Variants in HDAC2 observed in about 807,000 individuals in gnomAD.
HDAC2 encodes the protein YY1-associated factor 1.
A neutral mutation model predicts 68.5 loss-of-function variants in HDAC2; 5 were observed. The ratio of observed to expected loss-of-function variants is 0.07; its 90% CI spans 0.04 to 0.15. The LOEUF (loss-of-function observed/expected upper bound fraction) is 0.15. HDAC2 is among the 10% of genes least tolerant of loss of function. HDAC2 has a pLI of 1.00. For synonymous variants in HDAC2, 182 were observed against 191.3 expected (o/e 0.95, Z 0.40); for missense variants, 291 against 600.8 (o/e 0.48, Z 5.39).
rs147152007 is a variant in HDAC2 at position 113,934,514 on chromosome 6, C to T, written c.*6544G>A. 3.4e-3 allele frequency: 519 copies of T among 152,266 alleles called. 1 individual carries two copies. Among genetic ancestry groups the T allele is most frequent in the Non-Finnish European group, 4.4e-3 (300 of 68,016 alleles). 9.4% of individuals were successfully genotyped at this position (152,266 alleles called of 1,614,324 possible). A position where few individuals can be genotyped will look rare whatever the true frequency, so the allele number is the denominator to read the frequency against. ...GTGTTTTGAGGTCAGGTCGGAAGTA[C>T]AAACAATTTAAGATGAGGCTTGTTT... On this transcript the variant is annotated 3_prime_UTR_variant, in exon 14 of 14. Transcript: ENST00000519065.
chr6:113,950,859 TAG>T (rs1336534980), intron 6 of HDAC2, among the ~76,000 whole-genome samples: 1 of 152,100 alleles, frequency 6.6e-6, no homozygotes, highest in African/African-American at 2.4e-5. Context: ...CCCTCAATAT[TAG>T]AGTTATGAGA....
intron 1 of HDAC2, 115 bp downstream of exon 1, chr6:113,970,742 A>C (rs1386571084): frequency 7.0e-7 from 1 of 1,418,500 alleles, no homozygotes; most frequent in Non-Finnish European, 9.1e-7. Flanking sequence ...GATGCGGCCA[A>C]ATGTCGGTCC....
At chr6:113,967,612 C>A (rs1194057437) in intron 1 of HDAC2, among the ~76,000 whole-genome samples, 1 of 152,048 alleles carries the variant, frequency 6.6e-6, no homozygotes, top group African/African-American at 2.4e-5. Flanking sequence ...ACTGTATACA[C>A]CATAAAAACA....
At position 113,956,704 on chromosome 6, in the gene HDAC2, T is replaced by C. The variant is rs919724905; in HGVS notation, c.284-11A>G. On this transcript the variant is annotated splice_polypyrimidine_tract_variant and intron_variant, in intron 3 of 13. Transcript: ENST00000519065. ...CTTCTCCAACATTAACTGTGGAAGA[T>C]GGATTTCATTAATTTCAACACATTC... 4.4e-6 allele frequency: 7 copies of C among 1,590,686 alleles called. No individual in the cohort carries two copies. The highest frequency in any genetic ancestry group is 6.0e-6 in the Non-Finnish European group (7 of 1,159,202).
At chr6:113,957,335 C>A (rs996796057) in intron 3 of HDAC2, 7 of 152,220 alleles carry the variant, frequency 4.6e-5, no homozygotes, top group African/African-American at 1.7e-4. Flanking sequence ...ATGTATGTAA[C>A]CCTTTCTTAG....
chr6:113,968,962 A>G (rs1379072860), intron 1 of HDAC2, among the ~76,000 whole-genome samples: 1 of 152,194 alleles, frequency 6.6e-6, no homozygotes, highest in Non-Finnish European at 1.5e-5. Flanking sequence ...GACAGCTTCG[A>G]GAAGGACCTC....
In HDAC2 at chr6:113,934,547, C is replaced by T. The variant is rs1775961059; in HGVS notation, c.*6511G>A. ...TTAAGATGAGGCTTGTTTACCTTAC[C>T]TATAGGGGTCCAGATGTGTTTTTCT... On this transcript the variant is annotated 3_prime_UTR_variant, in exon 14 of 14. Transcript: ENST00000519065. 1 of 152,108 alleles carries T rather than the reference C, an allele frequency of 6.6e-6. No individual in the cohort carries two copies. The highest frequency in any genetic ancestry group is 1.5e-5 in the Non-Finnish European group (1 of 68,014). The allele number at this position is 152,108 out of a possible 1,614,324, so 9.4% of individuals were successfully genotyped here.
chr6:113,965,678 T>C (rs747056234), intron 1 of HDAC2, among the ~76,000 whole-genome samples: 8 of 152,212 alleles, frequency 5.3e-5, no homozygotes, highest in Non-Finnish European at 8.8e-5. Context: ...GCCCCCTCTC[T>C]TACTTTATAC....
chr6:113,950,563 T>G (rs1205026551), intron 6 of HDAC2, among the ~76,000 whole-genome samples: 3 of 151,844 alleles, frequency 2.0e-5, no homozygotes, highest in African/African-American at 7.2e-5. Context: ...CAGCTAATTT[T>G]TTTTGCATTT....
chr6:113,959,885 T>G, intron 2 of HDAC2, 21 bp downstream of exon 2: 1 of 967,544 alleles, frequency 1.0e-6, no homozygotes. Context: ...GTGCTGAATA[T>G]GTATTAAAAG....
At chr6:113,967,228 A>C (rs1776845058) in intron 1 of HDAC2, among the ~76,000 whole-genome samples, 1 of 152,122 alleles carries the variant, frequency 6.6e-6, no homozygotes, top group South Asian at 2.1e-4. Context: ...TCCTGGGTTC[A>C]AGCCATTCTC....
intron 8 of HDAC2, 34 bp from the exon 9 acceptor site, chr6:113,946,182 T>C: frequency 1.3e-6 from 2 of 1,580,510 alleles, no homozygotes; most frequent in South Asian, 2.3e-5. Context: ...CAACAAAATC[T>C]GCATACTGCA....
intron 8 of HDAC2, chr6:113,948,682 G>C: frequency 3.5e-6 from 1 of 284,560 alleles, no homozygotes. Flanking sequence ...ATCCAATTAA[G>C]TAAAAAAGTA....
chr6:113,944,315 T>C lies in HDAC2; in HGVS notation c.1187A>G (p.Asp396Gly), dbSNP rs758065478. ...PEDAVHEDSG[D>G]EDGEDPDKRI... ...CTTGTCTGGATCTTCTCCATCTTCA[T>C]CTCCACTGTCTTCATGAACAGCATC... Residue 396 changes from aspartate to glycine, a missense_variant, in exon 11 of 14, where the codon GAT (aspartate) becomes GGT (glycine). This residue lies in a region of HDAC2 where 137 missense variants were observed against 128.7 expected (regional missense o/e 1.06). Transcript: ENST00000519065. The C allele has an allele frequency of 6.2e-7, 1 of 1,612,712 alleles. No individual in the cohort carries two copies. Among genetic ancestry groups the C allele is most frequent in the South Asian group, 1.1e-5 (1 of 91,052 alleles).
chr6:113,944,487 C>T (rs1280506465), intron 10 of HDAC2, 77 bp from the exon 11 acceptor site: 1 of 1,266,288 alleles, frequency 7.9e-7, no homozygotes, highest in Non-Finnish European at 1.1e-6. Flanking sequence ...AAATATTTAG[C>T]AAAAAATTTC....
chr6:113,958,800 T>A, intron 2 of HDAC2, 34 bp from the exon 3 acceptor site: 1 of 1,163,260 alleles, frequency 8.6e-7, no homozygotes, highest in South Asian at 1.2e-5. Flanking sequence ...AACTGTGGAA[T>A]TACAACCGGT....
chr6:113,941,242 T>TAGAA (rs1383890557), intron 13 of HDAC2, among the ~76,000 whole-genome samples, 154 bp from the exon 14 acceptor site: 1 of 152,116 alleles, frequency 6.6e-6, no homozygotes, highest in Non-Finnish European at 1.5e-5. Context: ...TGCCTTAATT[T>TAGAA]TTCTAGTGAT....
intron 6 of HDAC2, 105 bp from the exon 7 acceptor site, chr6:113,949,365 C>T (rs2114597985): frequency 1.4e-6 from 1 of 690,754 alleles, no homozygotes; most frequent in Non-Finnish European, 2.5e-6. Flanking sequence ...ATTAAGGATC[C>T]AATTTTGAAT....
In HDAC2 at chr6:113,939,827, A is replaced by C. The variant is rs1365342633; in HGVS notation, c.*1231T>G. ...TGGGTGCACAGCTGTTCATTACAAA[A>C]GTCTAGGTGCTATTGTGAATGTCTG... On this transcript the variant is annotated 3_prime_UTR_variant, in exon 14 of 14. Coordinates refer to ENST00000519065, the MANE Select transcript of HDAC2 (RefSeq NM_001527.4). 6.6e-6 allele frequency: 1 copy of C among 152,248 alleles called. No homozygotes were observed. The highest frequency in any genetic ancestry group is 1.5e-5 in the Non-Finnish European group (1 of 68,040). 9.4% of individuals were successfully genotyped at this position (152,248 alleles called of 1,614,324 possible).
Sources: gnomAD v4.1 joint callset for allele counts (sites outside exome capture counted in the v4.1 genomes callset) on GRCh38, gnomAD v4.1.1 for gene constraint, gnomAD v4.1.1 regional missense constraint, MANE v1.5 for transcripts, NCBI Gene and HGNC (gene_info 2026-07-23, HGNC 2026-07-21) for gene names.